APCDD1: variants seen among roughly 807,000 people sequenced by gnomAD.
APCDD1 encodes APC down-regulated 1, also known as protein APCDD1.
Under a neutral mutation model 38.1 loss-of-function variants are expected in APCDD1, and 15 were observed. The ratio of observed to expected loss-of-function variants is 0.39; its 90% CI spans 0.26 to 0.61. APCDD1 has a LOEUF of 0.61. Ranked by LOEUF, APCDD1 falls within the 20% of genes least tolerant of loss-of-function variation. The pLI is 0.49. For synonymous variants in APCDD1, 261 were observed against 279.7 expected (o/e 0.93, Z 0.67); for missense variants, 647 against 696.2 (o/e 0.93, Z 0.79).
At chr18:10,455,855 G>A (rs754252206) in intron 1 of APCDD1, among the ~76,000 whole-genome samples, 1 of 152,174 alleles carries the variant, frequency 6.6e-6, no homozygotes, top group Non-Finnish European at 1.5e-5. Context: ...TTTATGGCGC[G>A]TCGGGTTCAT....
chr18:10,466,862 T>C (rs2030728976), intron 1 of APCDD1, among the ~76,000 whole-genome samples: 1 of 152,258 alleles, frequency 6.6e-6, no homozygotes, highest in South Asian at 2.1e-4. Flanking sequence ...AATTTGAACA[T>C]GGCACTCTCC....
At position 10,468,511 on chromosome 18, in the gene APCDD1, C is replaced by G; in HGVS notation, c.101C>G (p.Ser34Cys). ...GSALLHPDSR[S>C]HPRSLEKSAW... is the part of the protein sequence containing the mutation. ...GCCCTCCTTCATCCAGACAGCAGGT[C>G]TCATCCTAGGTCCTTAGAGAAAAGT... Residue 34 changes from serine (S) to cysteine (C), a missense_variant, in exon 2 of 5, where the codon TCT (serine) becomes TGT (cysteine). Transcript: ENST00000355285. 6 of 1,614,168 alleles carry G rather than the reference C, an allele frequency of 3.7e-6. No individual in the cohort carries two copies. Among genetic ancestry groups the G allele is most frequent in the Non-Finnish European group, 5.1e-6 (6 of 1,180,036 alleles).
In APCDD1 at chr18:10,469,774, T is replaced by C. The variant is rs1334631955; in HGVS notation, c.242+1122T>C. Among the ~76,000 whole-genome samples, 2 of 152,102 alleles carry C rather than the reference T, an allele frequency of 1.3e-5. No individual in the cohort carries two copies. The highest frequency in any genetic ancestry group is 2.9e-5 in the Non-Finnish European group (2 of 68,030). ...GCTGTGCAAAGACTGTGGGAAGAGC[T>C]TTGTATTTAAAGAACCAGATGCCAG... On this transcript the variant is annotated intron_variant, in intron 2 of 4. Coordinates refer to ENST00000355285, the MANE Select transcript of APCDD1 (RefSeq NM_153000.5). This position sits in a 1 kb window ranked among gnomAD's most constrained non-coding sequence, Gnocchi z 5.5.
chr18:10,473,031 C>T (rs925993028), intron 3 of APCDD1, among the ~76,000 whole-genome samples: 7 of 152,190 alleles, frequency 4.6e-5, no homozygotes, highest in African/African-American at 9.6e-5. Flanking sequence ...TCCCCATTGA[C>T]TTCGTGGAAC....
chr18:10,466,146 C>G (rs2030709007), intron 1 of APCDD1, among the ~76,000 whole-genome samples: 1 of 152,196 alleles, frequency 6.6e-6, no homozygotes, highest in Non-Finnish European at 1.5e-5. Context: ...TTAGCCACAT[C>G]AAAATCGATC....
At chr18:10,480,480 C>A (rs1276654042) in intron 3 of APCDD1, among the ~76,000 whole-genome samples, 1 of 152,180 alleles carries the variant, frequency 6.6e-6, no homozygotes, top group Non-Finnish European at 1.5e-5. Flanking sequence ...AAATTTGTTA[C>A]AATACAGAGG....
In APCDD1 at chr18:10,455,039, G is replaced by T. The variant is rs865991193; in HGVS notation, c.58G>T (p.Gly20Trp). The T allele has an allele frequency of 6.4e-7, 1 of 1,563,900 alleles. No homozygotes were observed. Among genetic ancestry groups the T allele is most frequent in the Non-Finnish European group, 8.7e-7 (1 of 1,154,476 alleles). ...RYLFPALLLHGLGEGSALLHP... is the reference protein window; with the variant it reads ...RYLFPALLLHWLGEGSALLHP... ...CCTGTTCCCGGCCCTCCTGCTTCAC[G>T]GTGAGTTCCCGAGGGCCACTCGAGC... is the stretch of plus-strand genomic sequence containing the variant. The change falls in exon 1 of 5, where the codon GGG (glycine) becomes TGG (tryptophan). Residue 20 changes from glycine to tryptophan, a missense_variant and splice_region_variant. By Grantham distance (184) the Gly-to-Trp change is radical (BLOSUM62 -2). Coordinates refer to ENST00000355285, the MANE Select transcript of APCDD1 (RefSeq NM_153000.5).
In APCDD1 at chr18:10,471,159, C is replaced by A. The variant is rs549272950; in HGVS notation, c.243-371C>A. Among the ~76,000 whole-genome samples, 11 of 152,382 alleles carry A rather than the reference C, an allele frequency of 7.2e-5. 1 individual carries two copies. In the South Asian group the frequency reaches 1.9e-3, roughly 26 times the overall value. ...TCCAGAAAGAAATGCCTGCACAGGG[C>A]AGCAGGTGTTTGCCCTCCTGGCCTG... On this transcript the variant is annotated intron_variant, in intron 2 of 4. Coordinates refer to ENST00000355285, the MANE Select transcript of APCDD1 (RefSeq NM_153000.5). This position sits in a 1 kb window ranked among gnomAD's most constrained non-coding sequence, Gnocchi z 5.5.
intron 3 of APCDD1, among the ~76,000 whole-genome samples, chr18:10,482,048 CCGAGCCTTTGCCTTGTCTGAGCCAAA>C (rs2031153523): frequency 6.6e-6 from 1 of 152,140 alleles, no homozygotes; most frequent in South Asian, 2.1e-4. Context: ...CTCCCCTCCC[CCGAGCCTTTGCCTTGTCTGAGCCAAA>C]CAGCAGTTGC....
In APCDD1 at chr18:10,472,012, GGAT is replaced by G. The variant is rs777408847; in HGVS notation, c.727_729del (p.Met243del). 4 of 1,613,906 alleles carry G rather than the reference GGAT, an allele frequency of 2.5e-6. No homozygotes were observed. Among genetic ancestry groups the G allele is most frequent in the Non-Finnish European group, 3.4e-6 (4 of 1,180,036 alleles). ...GACATTCACACTGATGCCACCCAGA[GGAT>G]GTTCTACCGGCCCTCCAGTTACCAG... On this transcript the variant is annotated inframe_deletion, in exon 3 of 5. Coordinates refer to ENST00000355285, the MANE Select transcript of APCDD1 (RefSeq NM_153000.5). The surrounding 1 kb of genome is among the most constrained non-coding windows in gnomAD (Gnocchi z 6.6).
intron 3 of APCDD1, among the ~76,000 whole-genome samples, chr18:10,473,648 A>T: frequency 6.6e-6 from 1 of 152,202 alleles, no homozygotes; most frequent in Non-Finnish European, 1.5e-5. Flanking sequence ...CAGAAGGAGA[A>T]TCGGCTCATA....
Position 10,467,562 on chromosome 18 carries a change from G to T in APCDD1, c.59-907G>T, listed in dbSNP as rs1176449442. 6.6e-6 allele frequency among the ~76,000 whole-genome samples: 1 copy of T among 152,134 alleles called. No homozygotes were observed. Among genetic ancestry groups the T allele is most frequent in the Non-Finnish European group, 1.5e-5 (1 of 68,026 alleles). ...ATTAGGCTGGTGGTAGTTTTGCATG[G>T]GTAGATTGTGGCCAACCTGCATGAC... On this transcript the variant is annotated intron_variant, in intron 1 of 4. Coordinates refer to ENST00000355285, the MANE Select transcript of APCDD1 (RefSeq NM_153000.5). The surrounding 1 kb of genome is among the most constrained non-coding windows in gnomAD (Gnocchi z 4.8).
chr18:10,463,513 G>A (rs2030624257), intron 1 of APCDD1, among the ~76,000 whole-genome samples: 1 of 152,238 alleles, frequency 6.6e-6, no homozygotes, highest in Non-Finnish European at 1.5e-5. Context: ...TGATTCTTGA[G>A]AAGGAAGCTT....
At chr18:10,479,676 A>G (rs1598399689) in intron 3 of APCDD1, among the ~76,000 whole-genome samples, 1 of 152,212 alleles carries the variant, frequency 6.6e-6, no homozygotes, top group East Asian at 1.9e-4. Context: ...TTGTAAAGTC[A>G]TCTGACTTTT....
chr18:10,455,600 G>A (rs1348534291), intron 1 of APCDD1, among the ~76,000 whole-genome samples: 1 of 152,188 alleles, frequency 6.6e-6, no homozygotes, highest in Non-Finnish European at 1.5e-5. Context: ...CTCCCAAGTG[G>A]ACTGTTGCGT....
In APCDD1 at chr18:10,470,482, G is replaced by A. The variant is rs1048518473; in HGVS notation, c.243-1048G>A. On this transcript the variant is annotated intron_variant, in intron 2 of 4. Transcript: ENST00000355285. The surrounding 1 kb of genome is among the most constrained non-coding windows in gnomAD (Gnocchi z 4.1). ...TTATCTTTCACCAGTCCATCAATGA[G>A]CAAATTAAAATGTTAGCAATTTTGA... Among the ~76,000 whole-genome samples, 109 of 152,340 alleles carry A rather than the reference G, an allele frequency of 7.2e-4. No homozygotes were observed. Among genetic ancestry groups the A allele is most frequent in the African/African-American group, 2.5e-3 (103 of 41,578 alleles).
rs74445472 is a variant in APCDD1 at position 10,464,787 on chromosome 18, C to T, written c.59-3682C>T. ...AACTGCAGAGCTTGGCACTTTGGGC[C>T]TCACTCTCTTCTACATTGAGGGTCA... On this transcript the variant is annotated intron_variant, in intron 1 of 4. Coordinates refer to ENST00000355285, the MANE Select transcript of APCDD1 (RefSeq NM_153000.5). Among the ~76,000 whole-genome samples, 96 of 152,326 alleles carry T rather than the reference C, an allele frequency of 6.3e-4. 3 individuals carry two copies. The East Asian group carries it at 0.013, about 21-fold the overall frequency.
chr18:10,482,894 C>T, intron 3 of APCDD1, among the ~76,000 whole-genome samples: 1 of 152,216 alleles, frequency 6.6e-6, no homozygotes, highest in East Asian at 1.9e-4. Context: ...CTACCGTACT[C>T]AGTGATGCTT....
intron 3 of APCDD1, among the ~76,000 whole-genome samples, chr18:10,479,797 G>A (rs1007106801): frequency 6.6e-6 from 1 of 152,150 alleles, no homozygotes. Flanking sequence ...CGAATATCCT[G>A]TAAATGCAAG....
Sources: allele counts gnomAD v4.1 joint callset (sites outside exome capture counted in the v4.1 genomes callset), GRCh38; gene constraint gnomAD v4.1.1; non-coding constraint Gnocchi (gnomAD v3.1); transcripts MANE v1.5; gene names NCBI Gene and HGNC (gene_info 2026-07-23, HGNC 2026-07-21).